DDX50: variants seen among roughly 807,000 people sequenced by gnomAD.
DDX50 encodes the protein ATP-dependent RNA helicase DDX50.
A neutral mutation model predicts 94.8 loss-of-function variants in DDX50; 56 were observed. That is an observed-to-expected ratio of 0.59 (90% CI 0.48 to 0.74). The LOEUF (loss-of-function observed/expected upper bound fraction) is 0.74. DDX50 is among the 30% of genes least tolerant of loss of function. The probability of loss-of-function intolerance (pLI) is 0.00; values close to 1 mark genes in which losing one functional copy is unlikely to be tolerated. For synonymous variants in DDX50, 264 were observed against 295.4 expected (o/e 0.89, Z 1.09); for missense variants, 713 against 881.2 (o/e 0.81, Z 2.42).
chr10:68,912,880 CA>C (rs1841672381), intron 4 of DDX50, among the ~76,000 whole-genome samples: 1 of 152,034 alleles, frequency 6.6e-6, no homozygotes, highest in Non-Finnish European at 1.5e-5. Flanking sequence ...AGTAAAATAT[CA>C]GTATCTTAGG....
chr10:68,909,421 G>T (rs1044675021), intron 2 of DDX50, among the ~76,000 whole-genome samples: 3 of 152,096 alleles, frequency 2.0e-5, no homozygotes, highest in African/African-American at 4.8e-5. Context: ...ACTTTCTCTT[G>T]TATTAGCAAC....
chr10:68,944,254 T>C (rs1292141005), intron 14 of DDX50, among the ~76,000 whole-genome samples: 1 of 152,188 alleles, frequency 6.6e-6, no homozygotes, highest in East Asian at 1.9e-4. Flanking sequence ...TTGATGTTTC[T>C]TAAGTCTCTT....
At chr10:68,939,725 T>C (rs1188603640) in intron 12 of DDX50, among the ~76,000 whole-genome samples, 1 of 152,226 alleles carries the variant, frequency 6.6e-6, no homozygotes, top group Non-Finnish European at 1.5e-5. Context: ...TCTTTCTTGA[T>C]CACTCTAAAA....
chr10:68,906,652 C>T, intron 1 of DDX50, 59 bp from the exon 2 acceptor site: 1 of 1,568,488 alleles, frequency 6.4e-7, no homozygotes, highest in Non-Finnish European at 8.6e-7. Context: ...TCTAACTTCT[C>T]TAGAGTCTTA....
intron 8 of DDX50, among the ~76,000 whole-genome samples, chr10:68,923,049 A>C (rs1258982009): frequency 1.4e-5 from 2 of 147,594 alleles, no homozygotes; most frequent in African/African-American, 5.0e-5. Context: ...TTGGCCTCCC[A>C]AAGTGCTGGA....
intron 7 of DDX50, among the ~76,000 whole-genome samples, chr10:68,914,759 C>T (rs113243199): frequency 0.06 from 9,141 of 152,306 alleles, 324 homozygotes; most frequent in Middle Eastern, 0.11. Context: ...TGGTGGCTCA[C>T]GCCTGTAATC....
chr10:68,904,692 C>G (rs1026376030), intron 1 of DDX50, among the ~76,000 whole-genome samples: 1 of 152,318 alleles, frequency 6.6e-6, no homozygotes, highest in African/African-American at 2.4e-5. Flanking sequence ...CGAGAGGTCT[C>G]CTTTTGCCTT....
chr10:68,905,187 G>C (rs1038045650), intron 1 of DDX50, among the ~76,000 whole-genome samples: 2 of 152,134 alleles, frequency 1.3e-5, no homozygotes, highest in Non-Finnish European at 2.9e-5. Flanking sequence ...AGAGTGCTGG[G>C]ATTATAGGCG....
In DDX50 at chr10:68,930,042, TCTTC is replaced by T. The variant is rs1176073447; in HGVS notation, c.1240-4141_1240-4138del. Among the ~76,000 whole-genome samples the T allele has an allele frequency of 6.1e-5, 9 of 148,346 alleles. No individual in the cohort carries two copies. The South Asian group carries it at 1.1e-3, about 17-fold the overall frequency. On this transcript the variant is annotated intron_variant, in intron 8 of 14. Coordinates refer to ENST00000373585, the MANE Select transcript of DDX50 (RefSeq NM_024045.2). ...GCCACTGTGCCCAGCCTGGTCCCTT[TCTTC>T]CTTCCTTCCTTCCTTTCTTTTCCTT...
At chr10:68,935,903 T>G in intron 10 of DDX50, 103 bp from the exon 11 acceptor site, 1 of 820,110 alleles carries the variant, frequency 1.2e-6, no homozygotes, top group Non-Finnish European at 1.9e-6. Flanking sequence ...CTATGAAATC[T>G]TTAAATGCAA....
intron 7 of DDX50, among the ~76,000 whole-genome samples, chr10:68,919,471 A>G (rs1272437808): frequency 6.6e-6 from 1 of 152,126 alleles, no homozygotes; most frequent in African/African-American, 2.4e-5. Flanking sequence ...TTTCTTCCAC[A>G]ATTGATTGGT....
At chr10:68,935,308 G>A (rs1479983506) in intron 10 of DDX50, among the ~76,000 whole-genome samples, 1 of 151,822 alleles carries the variant, frequency 6.6e-6, no homozygotes, top group African/African-American at 2.4e-5. Context: ...ATTTTTTGTG[G>A]TATTTCACAT....
rs5030889 is a variant in DDX50, at chr10:68,901,328, C to G, written c.-57C>G. On this transcript the variant is annotated 5_prime_UTR_variant, in exon 1 of 15. Coordinates refer to ENST00000373585, the MANE Select transcript of DDX50 (RefSeq NM_024045.2). ...TTGCCCCCGCTTCCTTTCACGCTGT[C>G]GCTGCCCGTAGGTGGTTGTGGCCAC... is the stretch of plus-strand genomic sequence containing the variant. The G allele has an allele frequency of 2.7e-6, 4 of 1,459,684 alleles. No individual in the cohort carries two copies. In the African/African-American group the frequency reaches 5.8e-5, roughly 21 times the overall value. 90.4% of individuals were successfully genotyped at this position (1,459,684 alleles called of 1,614,324 possible). A position where few individuals can be genotyped will look rare whatever the true frequency, so the allele number is the denominator to read the frequency against.
At chr10:68,930,794 C>T (rs1411431135) in intron 8 of DDX50, among the ~76,000 whole-genome samples, 1 of 152,224 alleles carries the variant, frequency 6.6e-6, no homozygotes, top group African/African-American at 2.4e-5. Context: ...GCTGGGACGA[C>T]ACGTATGTGC....
In DDX50 at chr10:68,937,866, G is replaced by A. The variant is rs552173672; in HGVS notation, c.1755+771G>A. ...CTCCCAAAGTGCTGGGATTACAGGC[G>A]TGAGCCACCTCACCCGGCCTGTATT... On this transcript the variant is annotated intron_variant, in intron 12 of 14. Coordinates refer to ENST00000373585, the MANE Select transcript of DDX50 (RefSeq NM_024045.2). Among the ~76,000 whole-genome samples, 7 of 152,208 alleles carry A rather than the reference G, an allele frequency of 4.6e-5. No individual in the cohort carries two copies. In the South Asian group the frequency reaches 1.2e-3, roughly 27 times the overall value.
chr10:68,921,750 C>T (rs185787843), intron 8 of DDX50, among the ~76,000 whole-genome samples: 103 of 152,234 alleles, frequency 6.8e-4, no homozygotes, highest in African/African-American at 2.4e-3. Flanking sequence ...ATTATTTTGG[C>T]TCTATATAAA....
chr10:68,930,434 A>G (rs528426509), intron 8 of DDX50, among the ~76,000 whole-genome samples: 5 of 151,950 alleles, frequency 3.3e-5, no homozygotes, highest in Non-Finnish European at 5.9e-5. Context: ...TATTTCTTAC[A>G]CCAGTTGCAG....
In DDX50 at chr10:68,901,412, A is replaced by G. The variant is rs757118006; in HGVS notation, c.28A>G (p.Ile10Val). 1.1e-5 allele frequency: 18 copies of G among 1,571,382 alleles called. No individual in the cohort carries two copies. The highest frequency in any genetic ancestry group is 2.7e-5 in the African/African-American group (2 of 73,560). Residue 10 changes from isoleucine (I) to valine (V), a missense_variant, in exon 1 of 15, where the codon ATT becomes GTT. Physicochemically the swap from Ile to Val is conservative, Grantham distance 29. This residue lies in a region of DDX50 where 285 missense variants were observed against 278.9 expected (regional missense o/e 1.02). Transcript: ENST00000373585. The part of the protein sequence containing the change: MPGKLLWGD[I>V]MELEAPLEES... The stretch of plus-strand genomic sequence containing the variant: ...GCCTGGGAAACTCCTCTGGGGGGAC[A>G]TTATGGAGCTGGAAGCACCCTTGGA...
At chr10:68,932,923 TTC>T (rs1842308322) in intron 8 of DDX50, among the ~76,000 whole-genome samples, 1 of 152,154 alleles carries the variant, frequency 6.6e-6, no homozygotes, top group African/African-American at 2.4e-5. Context: ...ATAATACAGT[TTC>T]TGTTAAAATG....
Sources: gnomAD v4.1 joint callset for allele counts (sites outside exome capture counted in the v4.1 genomes callset) on GRCh38, gnomAD v4.1.1 for gene constraint, gnomAD v4.1.1 regional missense constraint, MANE v1.5 for transcripts, NCBI Gene and HGNC (gene_info 2026-07-23, HGNC 2026-07-21) for gene names.